JKAMP: variants seen among roughly 807,000 people sequenced by gnomAD.
JKAMP encodes JNK1/MAPK8-associated membrane protein.
A neutral mutation model predicts 40.2 loss-of-function variants in JKAMP; 20 were observed. The ratio of observed to expected loss-of-function variants is 0.50; its 90% CI spans 0.35 to 0.72. JKAMP has a LOEUF of 0.72. Ranked by LOEUF, JKAMP falls within the 30% of genes least tolerant of loss-of-function variation. The pLI, the probability that JKAMP is intolerant of heterozygous loss-of-function variation, is 0.01. For missense variants in JKAMP, 276 were observed against 373.0 expected (o/e 0.74, Z 2.14); for synonymous variants, 138 against 131.6 (o/e 1.05, Z -0.33).
rs534671647 is a variant in JKAMP at position 59,504,493 on chromosome 14, T to C, written c.*421T>C. The C allele has an allele frequency of 6.3e-6, 1 of 159,012 alleles. No homozygotes were observed. Among genetic ancestry groups the C allele is most frequent in the African/African-American group, 2.4e-5 (1 of 41,776 alleles). The allele number at this position is 159,012 out of a possible 1,614,324, so 9.9% of individuals were successfully genotyped here. ...TTTGTTTTTCACCTATAATGAATTGTAAAAACAAACATACTTGTGGGGTCT... is the reference window on the plus strand; with the variant it reads ...TTTGTTTTTCACCTATAATGAATTGCAAAAACAAACATACTTGTGGGGTCT... On this transcript the variant is annotated 3_prime_UTR_variant, in exon 7 of 7. Coordinates refer to ENST00000616435, the MANE Select transcript of JKAMP (RefSeq NM_016475.5).
chr14:59,488,605 A>T (rs755442076), intron 3 of JKAMP, among the ~76,000 whole-genome samples: 3 of 152,088 alleles, frequency 2.0e-5, no homozygotes, highest in Non-Finnish European at 4.4e-5. Context: ...TATAAAGGGG[A>T]GTAGGAAAGA....
intron 6 of JKAMP, among the ~76,000 whole-genome samples, chr14:59,502,790 C>T (rs139002046): frequency 0.047 from 46 of 988 alleles, no homozygotes; most frequent in East Asian, 0.1. Flanking sequence ...CTCACTCTGT[C>T]GCTTAGGCAT....
intron 4 of JKAMP, among the ~76,000 whole-genome samples, chr14:59,498,115 CTG>C (rs1891585629): frequency 6.6e-6 from 1 of 151,956 alleles, no homozygotes; most frequent in African/African-American, 2.4e-5. Flanking sequence ...ATAAAATAAT[CTG>C]TAATTCTGTT....
intron 6 of JKAMP, 56 bp from the exon 7 acceptor site, chr14:59,503,798 C>A (rs1190358539): frequency 9.8e-7 from 1 of 1,022,958 alleles, no homozygotes; most frequent in Non-Finnish European, 1.5e-6. Context: ...AATTACCCAG[C>A]TGACTTAGCC....
intron 3 of JKAMP, among the ~76,000 whole-genome samples, chr14:59,493,893 A>G (rs1446458865): frequency 6.6e-6 from 1 of 152,160 alleles, no homozygotes; most frequent in Non-Finnish European, 1.5e-5. Flanking sequence ...AAACACAGAC[A>G]ATTATATATG....
rs1891637133 is a variant in JKAMP, at chr14:59,498,787, T to G, written c.519T>G (p.Pro173=). 6.2e-7 allele frequency: 1 copy of G among 1,608,156 alleles called. No homozygotes were observed. The highest frequency in any genetic ancestry group is 8.5e-7 in the Non-Finnish European group (1 of 1,175,030). ...TGGTATTAATGATGCTGCTCCGACC[T>G]CTTCTGGTGAAGAAGATTGCATGTG... ...FCLVLMMLLR[P]LLVKKIACGL... The change falls in exon 5 of 7, where the codon CCT becomes CCG. Residue 173 remains proline (P), a synonymous_variant. Coordinates refer to ENST00000616435, the MANE Select transcript of JKAMP (RefSeq NM_016475.5).
At chr14:59,492,231 T>A (rs1270657146) in intron 3 of JKAMP, among the ~76,000 whole-genome samples, 1 of 151,538 alleles carries the variant, frequency 6.6e-6, no homozygotes, top group African/African-American at 2.4e-5. Context: ...CTTTTAGAAA[T>A]GAAAGTTTAT....
intron 3 of JKAMP, among the ~76,000 whole-genome samples, chr14:59,494,121 G>GGTGTGTGTGTGT (rs55831018): frequency 4.6e-5 from 7 of 151,072 alleles, no homozygotes; most frequent in South Asian, 2.1e-4. Context: ...AGAAAATTTG[G>GGTGTGTGTGTGT]GTGTGTGTGT....
At position 59,496,433 on chromosome 14, in the gene JKAMP, A is replaced by G. The variant is rs1230765520; in HGVS notation, c.458+1209A>G. ...GGAAAACTTAATAAATGAATTGAAT[A>G]TTATATTTAAATAAGATATAATGTA... On this transcript the variant is annotated intron_variant, in intron 4 of 6. Transcript: ENST00000616435. Among the ~76,000 whole-genome samples the G allele has an allele frequency of 2.0e-5, 3 of 151,928 alleles. No homozygotes were observed. In the East Asian group the frequency reaches 5.8e-4, roughly 29 times the overall value.
At chr14:59,502,773 T>TTTTTGTTTTTTTTTTTTTTTTTTTTTG (rs796697193) in intron 6 of JKAMP, among the ~76,000 whole-genome samples, 1 of 102,836 alleles carries the variant, frequency 9.7e-6, no homozygotes, top group African/African-American at 3.9e-5. Context: ...TTTTTTTTTT[T>TTTTTGTTTTTTTTTTTTTTTTTTTTTG]CGGAGTCTCA....
In JKAMP at chr14:59,503,911, T is replaced by A. The variant is rs1165741632; in HGVS notation, c.775T>A (p.Leu259Ile). ...ACTTATTGTTCTCTTCAGCCACTGG[T>A]TACTTCATGCCTATGGAATAATCTC... ...KRLIVLFSHWLLHAYGIISIS... is the reference protein window; with the variant it reads ...KRLIVLFSHWILHAYGIISIS... Residue 259 changes from leucine (L) to isoleucine (I), a missense_variant, in exon 7 of 7, where the codon TTA becomes ATA. Coordinates refer to ENST00000616435, the MANE Select transcript of JKAMP (RefSeq NM_016475.5). 1 of 1,613,500 alleles carries A rather than the reference T, an allele frequency of 6.2e-7. No individual in the cohort carries two copies. Among genetic ancestry groups the A allele is most frequent in the Non-Finnish European group, 8.5e-7 (1 of 1,179,546 alleles).
chr14:59,499,134 C>T (rs1197777706), intron 5 of JKAMP, among the ~76,000 whole-genome samples: 1 of 147,952 alleles, frequency 6.8e-6, no homozygotes, highest in African/African-American at 2.5e-5. Context: ...ATTGATTCTC[C>T]TGCCTCAGCC....
At chr14:59,493,477 G>A (rs1891188755) in intron 3 of JKAMP, among the ~76,000 whole-genome samples, 1 of 152,190 alleles carries the variant, frequency 6.6e-6, no homozygotes. Flanking sequence ...GAAATGATCA[G>A]TGGTTCTTGT....
chr14:59,501,547 A>G (rs1243178470), intron 6 of JKAMP, among the ~76,000 whole-genome samples: 1 of 152,216 alleles, frequency 6.6e-6, no homozygotes, highest in Non-Finnish European at 1.5e-5. Flanking sequence ...TAGCAAACAT[A>G]TAATTATTGA....
chr14:59,499,781 G>A (rs1308977881), intron 5 of JKAMP, among the ~76,000 whole-genome samples: 2 of 152,098 alleles, frequency 1.3e-5, no homozygotes, highest in Non-Finnish European at 2.9e-5. Flanking sequence ...CAGAAATTCT[G>A]TTATCCGCCA....
chr14:59,491,404 A>G (rs986496321), intron 3 of JKAMP, among the ~76,000 whole-genome samples: 1 of 152,236 alleles, frequency 6.6e-6, no homozygotes, highest in Admixed American at 6.5e-5. Context: ...CTGGCTGTAG[A>G]TAGGTTGAAA....
chr14:59,487,892 C>T (rs1188307302), intron 3 of JKAMP, 64 bp downstream of exon 3: 6 of 1,396,680 alleles, frequency 4.3e-6, no homozygotes, highest in Non-Finnish European at 6.1e-6. Flanking sequence ...ACTCAGAAGA[C>T]CTTATTAAGT....
chr14:59,503,999 C>T lies in JKAMP; in HGVS notation c.863C>T (p.Ala288Val). Residue 288 changes from alanine to valine, a missense_variant, in exon 7 of 7, where the codon GCC (alanine) becomes GTC (valine). By Grantham distance (64) the Ala-to-Val change is moderately conservative (BLOSUM62 0). Transcript: ENST00000616435. ...LPLLALVPTP[A>V]LFYLFTAKFT... is the part of the protein sequence containing the mutation. ...CTTTTGGCTTTGGTACCTACACCAG[C>T]CCTTTTTTACTTGTTCACTGCAAAA... 6.2e-7 allele frequency: 1 copy of T among 1,613,814 alleles called. No individual in the cohort carries two copies. Among genetic ancestry groups the T allele is most frequent in the Non-Finnish European group, 8.5e-7 (1 of 1,179,774 alleles).
At chr14:59,494,121 G>GTGT (rs1891242133) in intron 3 of JKAMP, among the ~76,000 whole-genome samples, 1 of 150,964 alleles carries the variant, frequency 6.6e-6, no homozygotes. Context: ...AGAAAATTTG[G>GTGT]GTGTGTGTGT....
Sources: allele counts gnomAD v4.1 joint callset (sites outside exome capture counted in the v4.1 genomes callset), GRCh38; gene constraint gnomAD v4.1.1; transcripts MANE v1.5; gene names NCBI Gene and HGNC (gene_info 2026-07-23, HGNC 2026-07-21).